Variants in OGFOD1 observed in about 807,000 individuals in gnomAD.
The protein encoded by OGFOD1 is prolyl 3-hydroxylase OGFOD1.
A neutral mutation model predicts 67.7 loss-of-function variants in OGFOD1; 54 were observed. The observed-to-expected ratio is 0.80, with a 90% CI of 0.64 to 1.00. The LOEUF is 1.00. OGFOD1 is among the 50% of genes least tolerant of loss of function. The pLI is 0.00. For synonymous variants in OGFOD1, 221 were observed against 227.0 expected, an observed-to-expected ratio of 0.97 and a Z score of 0.24; for missense variants, 606 against 646.7, an observed-to-expected ratio of 0.94 and a Z score of 0.68.
chr16:56,462,776 T>C, intron 4 of OGFOD1, 142 bp downstream of exon 4: 2 of 591,332 alleles, frequency 3.4e-6, no homozygotes, highest in Non-Finnish European at 3.0e-6. Context: ...ACCCAGTTCA[T>C]AGACAGAAAT....
At position 56,468,035 on chromosome 16, in the gene OGFOD1, T is replaced by G. The variant is rs1454403952; in HGVS notation, c.900+17T>G. 1 of 1,295,538 alleles carries G rather than the reference T, an allele frequency of 7.7e-7. No homozygotes were observed. The highest frequency in any genetic ancestry group is 2.3e-5 in the East Asian group (1 of 43,336). The allele number at this position is 1,295,538 out of a possible 1,614,324, so 80.3% of individuals were successfully genotyped here. ...TTTCTTAAGGTAAGCTTAGCGTATG[T>G]TGTTCTGAATATTTTGTTTGGCATG... On this transcript the variant is annotated intron_variant, in intron 8 of 12. Coordinates refer to ENST00000566157, the MANE Select transcript of OGFOD1 (RefSeq NM_018233.4).
chr16:56,466,900 T>C lies in OGFOD1; in HGVS notation c.590T>C (p.Val197Ala), dbSNP rs1376150093. ...IDEHFQPKQI[V>A]KSLIPSWNKL... ...GAACACTTTCAGCCGAAGCAGATTG[T>C]CAAGTCTCTTATCCCTTCGTGGAAC... is the stretch of plus-strand genomic sequence containing the variant. Residue 197 changes from valine (V) to alanine (A), a missense_variant, in exon 6 of 13, where the codon GTC becomes GCC. Coordinates refer to ENST00000566157, the MANE Select transcript of OGFOD1 (RefSeq NM_018233.4). 6.2e-7 allele frequency: 1 copy of C among 1,613,742 alleles called. No individual in the cohort carries two copies. Among genetic ancestry groups the C allele is most frequent in the Non-Finnish European group, 8.5e-7 (1 of 1,179,750 alleles).
At position 56,478,555 on chromosome 16, in the gene OGFOD1, TCAGGAAGACC is replaced by T. The variant is rs1198438686; in HGVS notation, c.*2355_*2364del. On this transcript the variant is annotated 3_prime_UTR_variant, in exon 13 of 13. Transcript: ENST00000566157. ...GGGAAAGGGTGTCAGTGGCATAACTTCAGGAAGACCCAGGGAAAAGTGCTTGGGTAGGTGA... is the reference window on the plus strand; with the variant it reads ...GGGAAAGGGTGTCAGTGGCATAACTTCAGGGAAAAGTGCTTGGGTAGGTGA... The T allele has an allele frequency of 6.6e-6, 1 of 152,172 alleles. No homozygotes were observed. The highest frequency in any genetic ancestry group is 1.5e-5 in the Non-Finnish European group (1 of 68,044). The allele number at this position is 152,172 out of a possible 1,614,324, so 9.4% of individuals were successfully genotyped here.
At chr16:56,460,926 TAA>T (rs1382756930) in intron 3 of OGFOD1, among the ~76,000 whole-genome samples, 2 of 152,232 alleles carry the variant, frequency 1.3e-5, no homozygotes, top group East Asian at 1.9e-4. Context: ...TAAATTGTGT[TAA>T]GAGATTTCTA....
Position 56,476,421 on chromosome 16 carries a change from C to CT in OGFOD1, c.*228dup, listed in dbSNP as rs369101951. 0.041 allele frequency: 11,507 copies of CT among 283,972 alleles called. 80 individuals are homozygous for CT. Among genetic ancestry groups the CT allele is most frequent in the South Asian group, 0.062 (415 of 6,666 alleles). The allele number at this position is 283,972 out of a possible 1,614,324, so 17.6% of individuals were successfully genotyped here. On this transcript the variant is annotated 3_prime_UTR_variant, in exon 13 of 13. Transcript: ENST00000566157. ...CTCTTGATTAAAAAAAAAAAGTTGG[C>CT]TTTTTTTTTTTTAACATTTAGTCCT...
At chr16:56,455,539 A>G (rs1567544707) in intron 2 of OGFOD1, among the ~76,000 whole-genome samples, 1 of 152,168 alleles carries the variant, frequency 6.6e-6, no homozygotes, top group African/African-American at 2.4e-5. Context: ...TCTTCACCCT[A>G]AGACAGTAGA....
At chr16:56,474,996 G>C in intron 11 of OGFOD1, 46 bp downstream of exon 11, 1 of 1,601,744 alleles carries the variant, frequency 6.2e-7, no homozygotes, top group Non-Finnish European at 8.5e-7. Flanking sequence ...CGTAGGAGGG[G>C]CAGTCTCTTC....
chr16:56,460,258 C>T (rs747582792), intron 3 of OGFOD1, among the ~76,000 whole-genome samples: 16 of 152,208 alleles, frequency 1.1e-4, no homozygotes, highest in Non-Finnish European at 1.8e-4. Context: ...GCTGCAACTC[C>T]GTAATCGTTA....
intron 12 of OGFOD1, 107 bp from the exon 13 acceptor site, chr16:56,475,936 TC>T: frequency 2.0e-6 from 2 of 1,000,232 alleles, no homozygotes; most frequent in Non-Finnish European, 1.5e-6. Context: ...GACCCCTCTA[TC>T]CCCAGATTAA....
intron 2 of OGFOD1, chr16:56,454,912 G>A: frequency 3.8e-6 from 1 of 265,608 alleles, no homozygotes; most frequent in South Asian, 3.1e-5. Flanking sequence ...AAACTAAACT[G>A]CTTTCCATGG....
At position 56,475,685 on chromosome 16, in the gene OGFOD1, A is replaced by G. The variant is rs1159092483; in HGVS notation, c.1467+120A>G. 2.8e-5 allele frequency: 22 copies of G among 785,206 alleles called. No homozygotes were observed. In the East Asian group the frequency reaches 5.2e-4, roughly 18 times the overall value. The allele number at this position is 785,206 out of a possible 1,614,324, so 48.6% of individuals were successfully genotyped here. A position where few individuals can be genotyped will look rare whatever the true frequency, so the allele number is the denominator to read the frequency against. On this transcript the variant is annotated intron_variant, in intron 12 of 12. Transcript: ENST00000566157. ...TTAGCTAATAAATCTCTGCCAGGCAATGGTTCTAATTTCTAGTAGAAAATA... is the reference window on the plus strand; with the variant it reads ...TTAGCTAATAAATCTCTGCCAGGCAGTGGTTCTAATTTCTAGTAGAAAATA...
intron 8 of OGFOD1, among the ~76,000 whole-genome samples, chr16:56,468,974 A>G (rs1227321463): frequency 3.9e-5 from 6 of 152,204 alleles, no homozygotes; most frequent in Non-Finnish European, 2.9e-5. Context: ...TCCTCCATGA[A>G]AAAAGGTTGA....
rs529330796 is a variant in OGFOD1 at position 56,476,332 on chromosome 16, CTT to C, written c.*130_*131del. Reference sequence around the variant, plus strand: ...TGACAGTGTTCTTAAAACTGGTTGTCTTTTACTAGGACTCATAATGATTGTCC... The same window carrying C: ...TGACAGTGTTCTTAAAACTGGTTGTCTTACTAGGACTCATAATGATTGTCC... On this transcript the variant is annotated 3_prime_UTR_variant, in exon 13 of 13. Coordinates refer to ENST00000566157, the MANE Select transcript of OGFOD1 (RefSeq NM_018233.4). 2.4e-5 allele frequency: 19 copies of C among 795,418 alleles called. No individual in the cohort carries two copies. The East Asian group carries it at 4.7e-4, about 20-fold the overall frequency. 49.3% of individuals were successfully genotyped at this position (795,418 alleles called of 1,614,324 possible).
chr16:56,462,802 A>G (rs1360333092), intron 4 of OGFOD1, among the ~76,000 whole-genome samples, 168 bp downstream of exon 4: 1 of 152,228 alleles, frequency 6.6e-6, no homozygotes, highest in South Asian at 2.1e-4. Flanking sequence ...CCTTATTGGA[A>G]GGCATAAGCA....
intron 8 of OGFOD1, 46 bp from the exon 9 acceptor site, chr16:56,469,957 T>C: frequency 6.5e-7 from 1 of 1,537,034 alleles, no homozygotes; most frequent in Non-Finnish European, 9.0e-7. Flanking sequence ...CAGTGCGGGG[T>C]AATAGGGAGA....
At chr16:56,471,935 TA>T (rs1383858072) in intron 10 of OGFOD1, among the ~76,000 whole-genome samples, 1 of 151,572 alleles carries the variant, frequency 6.6e-6, no homozygotes, top group African/African-American at 2.4e-5. Context: ...AGGGATTTTT[TA>T]AAAAACTTAT....
At chr16:56,466,752 C>T (rs1019209632) in intron 5 of OGFOD1, 124 bp from the exon 6 acceptor site, 23 of 715,538 alleles carry the variant, frequency 3.2e-5, no homozygotes, top group South Asian at 1.5e-4. Flanking sequence ...ATGGAAAGGG[C>T]GGTATTTCAG....
chr16:56,458,281 C>T, intron 2 of OGFOD1: 1 of 433,416 alleles, frequency 2.3e-6, no homozygotes, highest in Non-Finnish European at 4.2e-6. Flanking sequence ...CTTTTTGTGT[C>T]TGTTGTCTAT....
Position 56,467,263 on chromosome 16 carries a change from C to A in OGFOD1, c.756C>A (p.Pro252=), listed in dbSNP as rs774583042. The A allele has an allele frequency of 7.3e-5, 118 of 1,614,128 alleles. No individual in the cohort carries two copies. In the South Asian group the frequency reaches 1.2e-3, roughly 17 times the overall value. The change falls in exon 7 of 13, where the codon CCC becomes CCA. Residue 252 remains proline, a synonymous_variant. Transcript: ENST00000566157. ...GGCCTCCCAACTACTTTGAACCCCC[C>A]ATACCTCGGAGCCCTCACATCCCAC... The part of the protein sequence containing the change: ...LTRPPNYFEP[P]IPRSPHIPQD...
Sources: allele counts gnomAD v4.1 joint callset (sites outside exome capture counted in the v4.1 genomes callset), GRCh38; gene constraint gnomAD v4.1.1; transcripts MANE v1.5; gene names NCBI Gene and HGNC (gene_info 2026-07-23, HGNC 2026-07-21).